The following ZFYVE9 variants were observed in gnomAD, a reference collection of about 807,000 sequenced individuals.
The protein encoded by ZFYVE9 is zinc finger FYVE-type containing 9.
Under a neutral mutation model 126.7 loss-of-function variants are expected in ZFYVE9, and 43 were observed. The observed-to-expected ratio is 0.34, with a 90% CI of 0.27 to 0.44. ZFYVE9 has a LOEUF of 0.44. Among genes scored for constraint, ZFYVE9 ranks in the 20% least tolerant of loss-of-function variants. The pLI, the probability that ZFYVE9 is intolerant of heterozygous loss-of-function variation, is 1.00. For missense variants in ZFYVE9, 1,476 were observed against 1,697.0 expected (o/e 0.87, Z 2.29); for synonymous variants, 521 against 597.4 (o/e 0.87, Z 1.87).
chr1:52,170,212 C>T (rs1644551947), intron 1 of ZFYVE9, among the ~76,000 whole-genome samples: 1 of 152,048 alleles, frequency 6.6e-6, no homozygotes, highest in African/African-American at 2.4e-5. Flanking sequence ...ATCATTTATT[C>T]ATTTGACGAT....
At chr1:52,185,844 T>C (rs1033469975) in intron 1 of ZFYVE9, among the ~76,000 whole-genome samples, 1 of 146,446 alleles carries the variant, frequency 6.8e-6, no homozygotes, top group Admixed American at 7.0e-5. Context: ...CGCTTGAACC[T>C]GGGAGGCAGA....
chr1:52,185,274 T>C (rs1015412144), intron 1 of ZFYVE9, among the ~76,000 whole-genome samples: 1 of 152,176 alleles, frequency 6.6e-6, no homozygotes, highest in Non-Finnish European at 1.5e-5. Flanking sequence ...GGAACAGATA[T>C]TTTTATTATC....
chr1:52,279,209 A>G (rs1645778349), intron 9 of ZFYVE9, among the ~76,000 whole-genome samples: 1 of 152,196 alleles, frequency 6.6e-6, no homozygotes. Flanking sequence ...ATCTGAGTTA[A>G]GTTCTTCTTG....
intron 6 of ZFYVE9, among the ~76,000 whole-genome samples, chr1:52,267,933 G>A (rs1338763817): frequency 2.6e-5 from 4 of 152,160 alleles, no homozygotes; most frequent in African/African-American, 9.7e-5. Context: ...GATCTGGTCA[G>A]TTTGCTTCCC....
intron 1 of ZFYVE9, among the ~76,000 whole-genome samples, chr1:52,196,935 A>C (rs1644866062): frequency 6.6e-6 from 1 of 152,160 alleles, no homozygotes. Context: ...ATAAGGTCTT[A>C]GTAAGGAGTC....
chr1:52,278,694 C>T, intron 9 of ZFYVE9, 80 bp downstream of exon 9: 1 of 875,876 alleles, frequency 1.1e-6, no homozygotes, highest in Non-Finnish European at 1.7e-6. Context: ...TTATTACACA[C>T]AAGTATTTTT....
rs777328693 is a variant in ZFYVE9, at chr1:52,293,434, T to C, written c.3026-19T>C. The C allele has an allele frequency of 1.5e-6, 2 of 1,311,668 alleles. No individual in the cohort carries two copies. The highest frequency in any genetic ancestry group is 2.2e-6 in the Non-Finnish European group (2 of 928,234). The allele number at this position is 1,311,668 out of a possible 1,614,324, so 81.3% of individuals were successfully genotyped here. On this transcript the variant is annotated intron_variant, in intron 10 of 18. Coordinates refer to ENST00000287727, the MANE Select transcript of ZFYVE9 (RefSeq NM_004799.4). ...TAATTTATTGATACAAAGTAGCTAA[T>C]AAACTTTTTTGTTTTTAGGGAATGT...
chr1:52,254,107 G>T, intron 4 of ZFYVE9: 1 of 756,412 alleles, frequency 1.3e-6, no homozygotes, highest in Non-Finnish European at 2.3e-6. Flanking sequence ...TATACACACT[G>T]GTAGAAGAGA....
chr1:52,324,964 C>T (rs12403638), intron 13 of ZFYVE9, among the ~76,000 whole-genome samples: 5 of 152,062 alleles, frequency 3.3e-5, no homozygotes, highest in Admixed American at 2.6e-4. Flanking sequence ...GTAAGAAAGA[C>T]CCCATCCATA....
chr1:52,309,351 G>A (rs755169815), intron 13 of ZFYVE9, among the ~76,000 whole-genome samples: 1 of 152,100 alleles, frequency 6.6e-6, no homozygotes, highest in Non-Finnish European at 1.5e-5. Context: ...GGTGGCGCAT[G>A]CCCCGTAGTC....
intron 1 of ZFYVE9, among the ~76,000 whole-genome samples, chr1:52,207,298 A>G (rs546489530): frequency 1.3e-5 from 2 of 152,196 alleles, no homozygotes; most frequent in African/African-American, 2.4e-5. Context: ...AGCGATTTCA[A>G]TGCCTATGTA....
chr1:52,280,139 G>A (rs938202165), intron 9 of ZFYVE9, among the ~76,000 whole-genome samples: 1 of 151,588 alleles, frequency 6.6e-6, no homozygotes, highest in African/African-American at 2.4e-5. Context: ...TGCTTTGGGA[G>A]GCCAAGGCAG....
chr1:52,253,209 A>G (rs10493164), intron 4 of ZFYVE9, among the ~76,000 whole-genome samples: 10,091 of 152,276 alleles, frequency 0.066, 381 homozygotes, highest in African/African-American at 0.1. Flanking sequence ...TCTTAAATCA[A>G]TGCTTCCTCT....
chr1:52,336,947 T>TAAAAAAAA (rs71041896), intron 15 of ZFYVE9, among the ~76,000 whole-genome samples: 10 of 107,870 alleles, frequency 9.3e-5, no homozygotes, highest in African/African-American at 2.6e-4. Flanking sequence ...AGTCATCTCT[T>TAAAAAAAA]AAAAAAAAAA....
chr1:52,255,583 CAA>C (rs753995875), intron 4 of ZFYVE9, among the ~76,000 whole-genome samples: 26 of 73,742 alleles, frequency 3.5e-4, no homozygotes, highest in Non-Finnish European at 3.5e-4. Flanking sequence ...AAAACCATCT[CAA>C]AAAAAAAAAA....
intron 4 of ZFYVE9, among the ~76,000 whole-genome samples, chr1:52,240,073 A>C (rs964696967): frequency 9.2e-5 from 14 of 152,208 alleles, no homozygotes; most frequent in Non-Finnish European, 1.8e-4. Context: ...GCCATTATAC[A>C]AAACATTCTG....
intron 1 of ZFYVE9, among the ~76,000 whole-genome samples, chr1:52,185,255 CAA>C (rs1043261344): frequency 2.0e-5 from 3 of 151,938 alleles, no homozygotes; most frequent in African/African-American, 2.4e-5. Context: ...TTTTCATTAA[CAA>C]AGGGTTGGAA....
At chr1:52,340,338 T>A (rs745557159) in intron 17 of ZFYVE9, 107 bp downstream of exon 17, 1 of 785,970 alleles carries the variant, frequency 1.3e-6, no homozygotes, top group Non-Finnish European at 2.1e-6. Flanking sequence ...AAAATATCTC[T>A]GAGAAAAATC....
At chr1:52,163,476 C>CA (rs1243300748) in intron 1 of ZFYVE9, among the ~76,000 whole-genome samples, 1 of 152,210 alleles carries the variant, frequency 6.6e-6, no homozygotes, top group Non-Finnish European at 1.5e-5. Context: ...CAGGCTCCAG[C>CA]AAAATGGTGC....
Sources: gnomAD v4.1 joint callset for allele counts (sites outside exome capture counted in the v4.1 genomes callset) on GRCh38, gnomAD v4.1.1 for gene constraint, MANE v1.5 for transcripts, NCBI Gene and HGNC (gene_info 2026-07-23, HGNC 2026-07-21) for gene names.